The following SGCZ variants were observed in gnomAD, a reference collection of about 807,000 sequenced individuals.
SGCZ encodes sarcoglycan zeta.
SGCZ carries 40 observed loss-of-function variants against 41.3 expected under a neutral mutation model. The ratio of observed to expected loss-of-function variants is 0.97; its 90% confidence interval spans 0.75 to 1.26. The LOEUF is 1.26. Ranked by LOEUF, SGCZ falls within the 50% of genes most tolerant of loss-of-function variation. The pLI is 0.00. For synonymous variants in SGCZ, 206 were observed against 137.5 expected (o/e 1.50, Z -3.49); for missense variants, 552 against 369.8 (o/e 1.49, Z -4.04).
chr8:14,208,482 G>C (rs1035042115), intron 4 of SGCZ, among the ~76,000 whole-genome samples: 2 of 152,066 alleles, frequency 1.3e-5, no homozygotes, highest in Non-Finnish European at 2.9e-5. Flanking sequence ...ATATAGAGCT[G>C]ATATCAAAAA....
intron 1 of SGCZ, among the ~76,000 whole-genome samples, chr8:15,010,137 G>GA (rs1802774498): frequency 1.3e-5 from 2 of 152,080 alleles, no homozygotes; most frequent in African/African-American, 2.4e-5. Context: ...ATAATGGTGA[G>GA]AAAAAACTTA....
At chr8:14,797,107 T>A (rs1206125653) in intron 1 of SGCZ, among the ~76,000 whole-genome samples, 2 of 152,094 alleles carry the variant, frequency 1.3e-5, no homozygotes, top group Admixed American at 1.3e-4. Context: ...GGTGCTGCTA[T>A]AAGGATACCT....
At chr8:14,859,153 G>A (rs569991473) in intron 1 of SGCZ, among the ~76,000 whole-genome samples, 31 of 152,172 alleles carry the variant, frequency 2.0e-4, no homozygotes, top group African/African-American at 7.2e-4. Context: ...TGTTGCAGAA[G>A]TATTTTATGC....
intron 3 of SGCZ, among the ~76,000 whole-genome samples, chr8:14,243,721 C>G (rs1798974369): frequency 6.6e-6 from 1 of 152,122 alleles, no homozygotes; most frequent in African/African-American, 2.4e-5. Flanking sequence ...GTCTCTTTAT[C>G]AGGAAAAAGT....
intron 1 of SGCZ, among the ~76,000 whole-genome samples, chr8:14,687,825 T>C (rs942065006): frequency 4.6e-5 from 7 of 152,052 alleles, no homozygotes; most frequent in African/African-American, 1.7e-4. Flanking sequence ...TGTAAAAGTG[T>C]TCCTATTTCT....
At chr8:14,186,955 A>T (rs772314532) in intron 4 of SGCZ, among the ~76,000 whole-genome samples, 18 of 152,182 alleles carry the variant, frequency 1.2e-4, no homozygotes, top group Non-Finnish European at 2.6e-4. Flanking sequence ...TAACTGCATC[A>T]GTCCATGGAG....
chr8:14,325,743 CACACATATATATAT>C (rs1374363628), intron 2 of SGCZ, among the ~76,000 whole-genome samples: 513 of 66,658 alleles, frequency 7.7e-3, no homozygotes, highest in South Asian at 0.01. Flanking sequence ...CACACACACA[CACACATATATATAT>C]ATATATATAT....
intron 1 of SGCZ, among the ~76,000 whole-genome samples, chr8:15,236,520 C>T (rs920551047): frequency 6.6e-6 from 1 of 152,098 alleles, no homozygotes; most frequent in Non-Finnish European, 1.5e-5. Flanking sequence ...GTACCAAATG[C>T]CTAGGGGTAA....
chr8:14,752,561 G>C (rs375733824), intron 1 of SGCZ, among the ~76,000 whole-genome samples: 1 of 151,944 alleles, frequency 6.6e-6, no homozygotes, highest in African/African-American at 2.4e-5. Context: ...GTGACAGTAC[G>C]CACTCTCCTG....
At chr8:15,012,645 T>TATATATAATATATA (rs60777894) in intron 1 of SGCZ, among the ~76,000 whole-genome samples, 31 of 120,868 alleles carry the variant, frequency 2.6e-4, no homozygotes, top group Admixed American at 1.6e-3. Flanking sequence ...CATATAAAAC[T>TATATATAATATATA]ATATATAATA....
At position 14,777,768 on chromosome 8, in the gene SGCZ, CAGAA is replaced by C. The variant is rs1016774771; in HGVS notation, c.40-222846_40-222843del. Among the ~76,000 whole-genome samples the C allele has an allele frequency of 6.6e-5, 10 of 151,532 alleles. No homozygotes were observed. In the East Asian group the frequency reaches 1.2e-3, roughly 18 times the overall value. ...TATGTGTGAGAGAGAGACAGAGACA[CAGAA>C]AGAGAGAGATGGAGTAATAGAGAAA... On this transcript the variant is annotated intron_variant, in intron 1 of 7. Transcript: ENST00000382080.
In SGCZ at chr8:15,237,571, G is replaced by A. The variant is rs774758939; in HGVS notation, c.39+14C>T. ...CGAGAAGCGGCCGCGAAGCCCGCCCGGACCCGCACGTACCTTGAGCTCCTC... is the reference window on the plus strand; with the variant it reads ...CGAGAAGCGGCCGCGAAGCCCGCCCAGACCCGCACGTACCTTGAGCTCCTC... On this transcript the variant is annotated intron_variant, in intron 1 of 7. Coordinates refer to ENST00000382080, the MANE Select transcript of SGCZ (RefSeq NM_139167.4). 6.3e-7 allele frequency: 1 copy of A among 1,586,842 alleles called. No individual in the cohort carries two copies. The highest frequency in any genetic ancestry group is 1.1e-5 in the South Asian group (1 of 87,530).
Position 14,674,928 on chromosome 8 carries a change from G to GCTTTT in SGCZ, c.40-120003_40-120002insAAAAG, listed in dbSNP as rs1554478141. Among the ~76,000 whole-genome samples, 74 of 71,006 alleles carry GCTTTT rather than the reference G, an allele frequency of 1.0e-3. 12 individuals are homozygous for GCTTTT. The highest frequency in any genetic ancestry group is 2.3e-3 in the African/African-American group (45 of 19,698). The allele number at this position is 71,006 out of a possible 152,430, so 46.6% of individuals were successfully genotyped here. A position where few individuals can be genotyped will look rare whatever the true frequency, so the allele number is the denominator to read the frequency against. ...GCCAATTTAACCTCTTTTCTTTTCT[G>GCTTTT]TTTTTTTTTTTTTTTTTTTTTTTTT... is the stretch of plus-strand genomic sequence containing the variant. On this transcript the variant is annotated intron_variant, in intron 1 of 7. Coordinates refer to ENST00000382080, the MANE Select transcript of SGCZ (RefSeq NM_139167.4).
At chr8:14,596,176 G>T (rs939902089) in intron 1 of SGCZ, among the ~76,000 whole-genome samples, 1 of 152,152 alleles carries the variant, frequency 6.6e-6, no homozygotes, top group African/African-American at 2.4e-5. Flanking sequence ...CTTTCATTTT[G>T]AATGAATTGA....
At chr8:14,289,049 T>A (rs1247653498) in intron 3 of SGCZ, among the ~76,000 whole-genome samples, 1 of 152,180 alleles carries the variant, frequency 6.6e-6, no homozygotes, top group Non-Finnish European at 1.5e-5. Context: ...CATCTGTATG[T>A]ACTTGATATC....
At chr8:14,935,911 G>A (rs776877801) in intron 1 of SGCZ, among the ~76,000 whole-genome samples, 5 of 151,762 alleles carry the variant, frequency 3.3e-5, no homozygotes, top group Admixed American at 6.6e-5. Flanking sequence ...AATAAACAAA[G>A]AGAGCTGATT....
chr8:15,231,928 G>C, intron 1 of SGCZ, among the ~76,000 whole-genome samples: 1 of 152,180 alleles, frequency 6.6e-6, no homozygotes, highest in South Asian at 2.1e-4. Flanking sequence ...GGCCTAAAAT[G>C]ACGTTTATAG....
intron 3 of SGCZ, among the ~76,000 whole-genome samples, chr8:14,293,535 GTTTGATACATATGTCAA>G (rs1800911901): frequency 6.6e-6 from 1 of 151,898 alleles, no homozygotes; most frequent in Non-Finnish European, 1.5e-5. Flanking sequence ...AAATTTGTCA[GTTTGATACATATGTCAA>G]TAATTTCTAG....
intron 1 of SGCZ, among the ~76,000 whole-genome samples, chr8:14,667,907 T>C (rs1031954867): frequency 1.2e-4 from 18 of 152,154 alleles, no homozygotes; most frequent in African/African-American, 4.3e-4. Context: ...ACCTAGAGTT[T>C]ACAAATACTT....
Sources: gnomAD v4.1 joint callset for allele counts (sites outside exome capture counted in the v4.1 genomes callset) on GRCh38, gnomAD v4.1.1 for gene constraint, MANE v1.5 for transcripts, NCBI Gene and HGNC (gene_info 2026-07-23, HGNC 2026-07-21) for gene names.